The following SLC25A21 variants were observed in gnomAD, a reference collection of about 807,000 sequenced individuals.
SLC25A21 encodes mitochondrial 2-oxodicarboxylate carrier.
SLC25A21 carries 47 observed loss-of-function variants against 43.8 expected under a neutral mutation model. The observed-to-expected ratio is 1.07, with a 90% CI of 0.85 to 1.37. The LOEUF is 1.37. Ranked by LOEUF, SLC25A21 falls within the 40% of genes most tolerant of loss-of-function variation. The pLI is 0.00. For missense variants in SLC25A21, 352 were observed against 350.2 expected (o/e 1.00, Z -0.04); for synonymous variants, 131 against 121.3 (o/e 1.08, Z -0.52).
chr14:36,733,341 T>C (rs1435925745), intron 4 of SLC25A21, among the ~76,000 whole-genome samples: 2 of 152,206 alleles, frequency 1.3e-5, no homozygotes, highest in African/African-American at 2.4e-5. Context: ...TCCAGATTCA[T>C]TACTGTGATT....
intron 3 of SLC25A21, among the ~76,000 whole-genome samples, chr14:36,758,280 T>C (rs772707182): frequency 6.6e-6 from 1 of 152,158 alleles, no homozygotes; most frequent in Non-Finnish European, 1.5e-5. Context: ...TGAGTTTTCA[T>C]GTTACTGCTA....
At chr14:36,833,025 C>A (rs779902814) in intron 2 of SLC25A21, among the ~76,000 whole-genome samples, 2 of 152,084 alleles carry the variant, frequency 1.3e-5, no homozygotes, top group Non-Finnish European at 2.9e-5. Flanking sequence ...CACAGAAGTT[C>A]ATTATGGTTA....
chr14:36,815,004 T>A (rs1888404983), intron 2 of SLC25A21, among the ~76,000 whole-genome samples: 4 of 152,018 alleles, frequency 2.6e-5, no homozygotes, highest in Admixed American at 2.6e-4. Flanking sequence ...AAAGAATGAG[T>A]TCACGTCCTT....
At chr14:36,773,957 G>T (rs1043932448) in intron 3 of SLC25A21, among the ~76,000 whole-genome samples, 2 of 152,178 alleles carry the variant, frequency 1.3e-5, no homozygotes, top group African/African-American at 4.8e-5. Context: ...TATGTTTCAT[G>T]TCCATCTGAT....
At chr14:37,155,970 C>G (rs1296842232) in intron 1 of SLC25A21, among the ~76,000 whole-genome samples, 2 of 151,896 alleles carry the variant, frequency 1.3e-5, no homozygotes, top group East Asian at 3.9e-4. Flanking sequence ...ACCAGCCTGG[C>G]CAATATGACG....
intron 3 of SLC25A21, among the ~76,000 whole-genome samples, chr14:36,804,129 A>C (rs985406842): frequency 2.6e-5 from 4 of 152,192 alleles, no homozygotes; most frequent in African/African-American, 9.6e-5. Context: ...ATTGATATCA[A>C]GATCAATTTT....
At chr14:36,752,434 A>G (rs1885744646) in intron 3 of SLC25A21, among the ~76,000 whole-genome samples, 1 of 152,212 alleles carries the variant, frequency 6.6e-6, no homozygotes, top group Non-Finnish European at 1.5e-5. Flanking sequence ...GACTTGAACA[A>G]ATATTTGTAC....
chr14:36,816,379 G>A (rs1010946280), intron 2 of SLC25A21, among the ~76,000 whole-genome samples: 10 of 151,956 alleles, frequency 6.6e-5, no homozygotes, highest in African/African-American at 2.4e-4. Flanking sequence ...GACTGGGTGA[G>A]AAATAATGGT....
At chr14:36,742,326 C>G (rs972321119) in intron 3 of SLC25A21, among the ~76,000 whole-genome samples, 1 of 152,178 alleles carries the variant, frequency 6.6e-6, no homozygotes, top group African/African-American at 2.4e-5. Flanking sequence ...GAAGTCCACG[C>G]TCAACCCTGG....
chr14:36,746,449 A>T (rs1885500020), intron 3 of SLC25A21, among the ~76,000 whole-genome samples: 1 of 152,136 alleles, frequency 6.6e-6, no homozygotes, highest in South Asian at 2.1e-4. Flanking sequence ...AGACTCCAAA[A>T]CTGGGAGGAT....
At chr14:37,060,362 C>T (rs1276084882) in intron 1 of SLC25A21, among the ~76,000 whole-genome samples, 1 of 145,946 alleles carries the variant, frequency 6.9e-6, no homozygotes, top group Non-Finnish European at 1.5e-5. Context: ...AATGAAATGA[C>T]TAAGGCACTC....
In SLC25A21 at chr14:36,680,125, T is replaced by C. The variant is rs1047846716; in HGVS notation, c.*533A>G. 1.1e-6 allele frequency: 1 copy of C among 876,800 alleles called. No individual in the cohort carries two copies. Among genetic ancestry groups the C allele is most frequent in the Non-Finnish European group, 1.4e-6 (1 of 732,194 alleles). 54.3% of individuals were successfully genotyped at this position (876,800 alleles called of 1,614,324 possible). A position where few individuals can be genotyped will look rare whatever the true frequency, so the allele number is the denominator to read the frequency against. On this transcript the variant is annotated 3_prime_UTR_variant, in exon 10 of 10. Coordinates refer to ENST00000331299, the MANE Select transcript of SLC25A21 (RefSeq NM_030631.4). Reference sequence around the variant, plus strand: ...ATAGTATTCATAAAATTAAACATTCTTAAAAGGTCATTTTAGTGCACTTTA... The same window carrying C: ...ATAGTATTCATAAAATTAAACATTCCTAAAAGGTCATTTTAGTGCACTTTA...
chr14:36,753,281 A>G (rs141874561), intron 3 of SLC25A21, among the ~76,000 whole-genome samples: 1 of 152,354 alleles, frequency 6.6e-6, no homozygotes, highest in Non-Finnish European at 1.5e-5. Flanking sequence ...ATATAAAAAC[A>G]ATAAAACAGG....
intron 1 of SLC25A21, among the ~76,000 whole-genome samples, chr14:37,155,906 C>A (rs1315412424): frequency 6.6e-6 from 1 of 152,012 alleles, no homozygotes; most frequent in Non-Finnish European, 1.5e-5. Flanking sequence ...TGCCTGTAAT[C>A]CTAGCATTTT....
intron 3 of SLC25A21, among the ~76,000 whole-genome samples, chr14:36,751,848 A>T (rs1159553992): frequency 1.3e-5 from 2 of 152,246 alleles, no homozygotes; most frequent in Non-Finnish European, 2.9e-5. Flanking sequence ...ATTTTCAAGC[A>T]ACACTGATTG....
intron 3 of SLC25A21, among the ~76,000 whole-genome samples, chr14:36,739,966 G>T (rs2139238227): frequency 6.6e-6 from 1 of 152,258 alleles, no homozygotes; most frequent in East Asian, 1.9e-4. Flanking sequence ...TGTGCTGGAA[G>T]GCTTGGATTT....
intron 2 of SLC25A21, among the ~76,000 whole-genome samples, chr14:36,829,105 C>T (rs1172773581): frequency 6.6e-6 from 1 of 152,000 alleles, no homozygotes; most frequent in African/African-American, 2.4e-5. Context: ...ACCATGTTGG[C>T]CAGGCTGGTC....
At chr14:37,060,423 A>AATAATAATAATG (rs1555344633) in intron 1 of SLC25A21, among the ~76,000 whole-genome samples, 94 of 136,316 alleles carry the variant, frequency 6.9e-4, no homozygotes, top group African/African-American at 1.1e-3. Flanking sequence ...TAATAATAAT[A>AATAATAATAATG]ATGATGTAAC....
At chr14:36,911,056 CAGCAGTGGCCATGA>C (rs1891673979) in intron 1 of SLC25A21, among the ~76,000 whole-genome samples, 1 of 152,158 alleles carries the variant, frequency 6.6e-6, no homozygotes, top group African/African-American at 2.4e-5. Context: ...TCTTACAGTT[CAGCAGTGGCCATGA>C]AGCAGGGACC....
Sources: gnomAD v4.1 joint callset for allele counts (sites outside exome capture counted in the v4.1 genomes callset) on GRCh38, gnomAD v4.1.1 for gene constraint, MANE v1.5 for transcripts, NCBI Gene and HGNC (gene_info 2026-07-23, HGNC 2026-07-21) for gene names.